The following PRH1 variants were observed in gnomAD, a reference collection of about 807,000 sequenced individuals.
PRH1 encodes the protein proline rich protein HaeIII subfamily 1.
In PRH1, 7 loss-of-function variants were observed where a neutral mutation model predicts 7.9. The ratio of observed to expected loss-of-function variants is 0.89; its 90% confidence interval spans 0.50 to 1.67. The LOEUF (loss-of-function observed/expected upper bound fraction) is 1.67, where lower values mean the gene tolerates loss of function less well. Among genes scored for constraint, PRH1 ranks in the 40% most tolerant of loss-of-function variants. PRH1 has a pLI of 0.00. For missense variants in PRH1, 109 were observed against 223.6 expected, an observed-to-expected ratio of 0.49 and a Z score of 3.27; for synonymous variants, 45 against 80.8, an observed-to-expected ratio of 0.56 and a Z score of 2.38.
chr12:11,078,212 T>A, intron 1 of PRH1: 1 of 471,998 alleles, frequency 2.1e-6, no homozygotes, highest in South Asian at 2.3e-5. Context: ...ACTACCAGAA[T>A]TGATAAAATG....
chr12:11,053,879 G>A (rs751746195), intron 1 of PRH1, among the ~76,000 whole-genome samples: 1 of 152,128 alleles, frequency 6.6e-6, no homozygotes, highest in Non-Finnish European at 1.5e-5. Flanking sequence ...GCAGTGCAAT[G>A]GCACAATCTC....
At chr12:11,029,963 C>T (rs1024571955) in intron 1 of PRH1, among the ~76,000 whole-genome samples, 5 of 152,214 alleles carry the variant, frequency 3.3e-5, no homozygotes, top group Middle Eastern at 3.4e-3. Flanking sequence ...GCAATGAATT[C>T]TAAGCACAAT....
At chr12:10,964,468 CA>C (rs1007031985) in intron 2 of PRH1, 1 of 249,278 alleles carries the variant, frequency 4.0e-6, no homozygotes, top group Non-Finnish European at 8.6e-6. Flanking sequence ...TAATCTGACA[CA>C]AAATCAAAAG....
At chr12:10,903,438 T>C (rs1291277341) in intron 2 of PRH1, among the ~76,000 whole-genome samples, 1 of 151,816 alleles carries the variant, frequency 6.6e-6, no homozygotes, top group Non-Finnish European at 1.5e-5. Flanking sequence ...ACTGAGAAGA[T>C]TGGACAGATC....
chr12:10,938,250 A>G (rs372464905), intron 2 of PRH1: 116 of 1,549,732 alleles, frequency 7.5e-5, no homozygotes, highest in Non-Finnish European at 9.6e-5. Context: ...TTTTTCTAAT[A>G]TATTCAAGAT....
intron 2 of PRH1, among the ~76,000 whole-genome samples, chr12:10,894,071 A>G (rs1407613319): frequency 6.6e-6 from 1 of 152,096 alleles, no homozygotes; most frequent in Non-Finnish European, 1.5e-5. Flanking sequence ...ACTTTCATCA[A>G]ATGAGATCCT....
chr12:11,134,540 A>G (rs1043511718), intron 1 of PRH1: 1 of 338,140 alleles, frequency 3.0e-6, no homozygotes, highest in African/African-American at 2.1e-5. Flanking sequence ...TGAAATTGAC[A>G]TGAAACCTGA....
At chr12:11,140,179 T>C (rs1213681765) in intron 1 of PRH1, among the ~76,000 whole-genome samples, 5 of 152,070 alleles carry the variant, frequency 3.3e-5, no homozygotes, top group Non-Finnish European at 7.4e-5. Context: ...ATATTTCCTT[T>C]AATCAATCAT....
intron 1 of PRH1, among the ~76,000 whole-genome samples, chr12:11,136,930 A>C (rs2600352): frequency 0.45 from 69,118 of 151,966 alleles, 16,510 homozygotes; most frequent in Non-Finnish European, 0.52. Flanking sequence ...ATAAATTTTT[A>C]GTATACCTGA....
Position 11,077,880 on chromosome 12 carries a change from T to C in PRH1, n.124-30692A>G, listed in dbSNP as rs1391931840. On this transcript the variant is annotated intron_variant and non_coding_transcript_variant, in intron 1 of 4. Transcript: ENST00000541977. ...GAACAACACTCCTAATTCTCTTCTT[T>C]AGGTGGAGAAAAATAAGGTTGGAGA... 5 of 985,912 alleles carry C rather than the reference T, an allele frequency of 5.1e-6. No individual in the cohort carries two copies. The East Asian group carries it at 1.2e-4, about 24-fold the overall frequency. 61.1% of individuals were successfully genotyped at this position (985,912 alleles called of 1,614,324 possible). A position where few individuals can be genotyped will look rare whatever the true frequency, so the allele number is the denominator to read the frequency against.
chr12:11,160,156 T>A (rs1213999030), intron 1 of PRH1, among the ~76,000 whole-genome samples: 1 of 152,216 alleles, frequency 6.6e-6, no homozygotes, highest in Non-Finnish European at 1.5e-5. Context: ...GAATAGAAAT[T>A]GTTAGAAATA....
intron 1 of PRH1, among the ~76,000 whole-genome samples, chr12:11,158,021 T>A (rs1947305727): frequency 6.6e-6 from 1 of 152,216 alleles, no homozygotes; most frequent in Admixed American, 6.5e-5. Flanking sequence ...TTTCACCTAC[T>A]ACTTCATGAA....
chr12:10,890,307 A>G (rs368713649), intron 2 of PRH1, among the ~76,000 whole-genome samples: 5 of 152,140 alleles, frequency 3.3e-5, no homozygotes. Flanking sequence ...CACACCATAC[A>G]TACAGATATA....
At position 11,091,597 on chromosome 12, in the gene PRH1, G is replaced by C. The variant is rs1392447667; in HGVS notation, n.124-44409C>G. 6.8e-6 allele frequency: 9 copies of C among 1,320,196 alleles called. 1 individual carries two copies. Among genetic ancestry groups the C allele is most frequent in the Non-Finnish European group, 9.7e-6 (9 of 929,894 alleles). The allele number at this position is 1,320,196 out of a possible 1,614,324, so 81.8% of individuals were successfully genotyped here. ...TGGGATCTTGAGATCCTTTACCATGGAGCTGCATCTTCTTGAGATGTTTAC... is the reference window on the plus strand; with the variant it reads ...TGGGATCTTGAGATCCTTTACCATGCAGCTGCATCTTCTTGAGATGTTTAC... On this transcript the variant is annotated intron_variant and non_coding_transcript_variant, in intron 1 of 4. Transcript: ENST00000541977.
intron 1 of PRH1, chr12:11,158,795 G>C (rs971704700): frequency 6.6e-6 from 1 of 152,136 alleles, no homozygotes; most frequent in Non-Finnish European, 1.5e-5. Context: ...TAAAGGTTTT[G>C]CTTTTTTCAG....
intron 1 of PRH1, among the ~76,000 whole-genome samples, chr12:11,137,430 C>G (rs1429625858): frequency 6.6e-6 from 1 of 152,194 alleles, no homozygotes; most frequent in Non-Finnish European, 1.5e-5. Context: ...CCTTCAAACT[C>G]CATCATCACT....
chr12:11,083,868 A>T (rs78072607), intron 1 of PRH1, among the ~76,000 whole-genome samples: 6,205 of 75,642 alleles, frequency 0.082, 7 homozygotes, highest in African/African-American at 0.11. Context: ...ATATCTATGA[A>T]GTTCAAATTT....
At chr12:10,955,252 T>A (rs1937895952) in intron 2 of PRH1, among the ~76,000 whole-genome samples, 1 of 152,048 alleles carries the variant, frequency 6.6e-6, no homozygotes, top group South Asian at 2.1e-4. Context: ...CACAGCACAA[T>A]AAAAATATAA....
At chr12:11,052,486 C>A (rs1487599720) in intron 1 of PRH1, among the ~76,000 whole-genome samples, 1 of 146,700 alleles carries the variant, frequency 6.8e-6, no homozygotes, top group Non-Finnish European at 1.5e-5. Flanking sequence ...TTTTTGTTAA[C>A]TTGATTTTAG....
Sources: gnomAD v4.1 joint callset for allele counts (sites outside exome capture counted in the v4.1 genomes callset) on GRCh38, gnomAD v4.1.1 for gene constraint, MANE v1.5 for transcripts, NCBI Gene and HGNC (gene_info 2026-07-23, HGNC 2026-07-21) for gene names.